SLC22A3: variants seen among roughly 807,000 people sequenced by gnomAD.
SLC22A3 encodes solute carrier family 22 member 3, also known as EMT organic cation transporter 3.
In SLC22A3, 51 loss-of-function variants were observed where a neutral mutation model predicts 59.1. The ratio of observed to expected loss-of-function variants is 0.86; its 90% confidence interval spans 0.69 to 1.09. The LOEUF is 1.09. Among genes scored for constraint, SLC22A3 ranks in the 50% least tolerant of loss-of-function variants. SLC22A3 has a pLI of 0.00. For missense variants in SLC22A3, 711 were observed against 726.3 expected (o/e 0.98, Z 0.24); for synonymous variants, 325 against 292.0 (o/e 1.11, Z -1.15).
At chr6:160,406,627 T>C (rs1787023477) in intron 2 of SLC22A3, among the ~76,000 whole-genome samples, 1 of 152,216 alleles carries the variant, frequency 6.6e-6, no homozygotes, top group South Asian at 2.1e-4. Flanking sequence ...CCTTAGGAAT[T>C]AGCCCAAGGT....
intron 1 of SLC22A3, among the ~76,000 whole-genome samples, chr6:160,367,895 C>T (rs1562471150): frequency 6.6e-6 from 1 of 152,182 alleles, no homozygotes; most frequent in Non-Finnish European, 1.5e-5. Flanking sequence ...AGTCTACCTC[C>T]TCTTCCTCCT....
At chr6:160,362,932 C>G (rs1368874953) in intron 1 of SLC22A3, among the ~76,000 whole-genome samples, 1 of 149,528 alleles carries the variant, frequency 6.7e-6, no homozygotes, top group Non-Finnish European at 1.5e-5. Flanking sequence ...CAGGGACCCA[C>G]GGATACTTCG....
intron 1 of SLC22A3, among the ~76,000 whole-genome samples, chr6:160,380,226 A>G (rs2114793316): frequency 6.6e-6 from 1 of 152,274 alleles, no homozygotes; most frequent in East Asian, 1.9e-4. Flanking sequence ...AAACAACTGG[A>G]ATAATAAACT....
At chr6:160,353,147 G>A (rs1784717201) in intron 1 of SLC22A3, among the ~76,000 whole-genome samples, 1 of 152,190 alleles carries the variant, frequency 6.6e-6, no homozygotes, top group Non-Finnish European at 1.5e-5. Flanking sequence ...GGACTCTAAT[G>A]AGTGAACAGC....
chr6:160,403,642 C>T (rs1308322978), intron 2 of SLC22A3, among the ~76,000 whole-genome samples: 1 of 151,236 alleles, frequency 6.6e-6, no homozygotes, highest in African/African-American at 2.4e-5. Flanking sequence ...CAAAAATCCT[C>T]AACAAAAATT....
chr6:160,348,618 C>A lies in SLC22A3; in HGVS notation c.199C>A (p.Pro67Thr). 6.6e-7 allele frequency: 1 copy of A among 1,505,204 alleles called. No individual in the cohort carries two copies. Among genetic ancestry groups the A allele is most frequent in the South Asian group, 1.2e-5 (1 of 81,116 alleles). The allele number at this position is 1,505,204 out of a possible 1,614,324, so 93.2% of individuals were successfully genotyped here. The change falls in exon 1 of 11, where the codon CCG (proline) becomes ACG (threonine). Residue 67 changes from proline to threonine, a missense_variant. Transcript: ENST00000275300. Reference protein sequence around the residue: ...AALAERCGWSPEEEWNRTAPA... With the variant: ...AALAERCGWSTEEEWNRTAPA... ...GCTGGCCGAGCGCTGCGGCTGGAGC[C>A]CGGAGGAGGAGTGGAACCGCACGGC...
intron 2 of SLC22A3, among the ~76,000 whole-genome samples, chr6:160,403,776 A>G (rs1431637342): frequency 2.4e-5 from 1 of 42,498 alleles, no homozygotes; most frequent in African/African-American, 2.8e-4. Flanking sequence ...AATTAATGTC[A>G]TCCATCAATC....
intron 1 of SLC22A3, among the ~76,000 whole-genome samples, chr6:160,391,086 G>T (rs191584456): frequency 6.6e-6 from 1 of 152,146 alleles, no homozygotes; most frequent in Non-Finnish European, 1.5e-5. Flanking sequence ...ACTAGGGCCC[G>T]CTCTGATACA....
chr6:160,450,043 A>T (rs1788891870), intron 10 of SLC22A3, among the ~76,000 whole-genome samples: 1 of 152,222 alleles, frequency 6.6e-6, no homozygotes, highest in African/African-American at 2.4e-5. Context: ...CGGTGCATGT[A>T]TTGTCTTGAT....
At chr6:160,429,879 C>G (rs2661834) in intron 5 of SLC22A3, among the ~76,000 whole-genome samples, 2 of 151,494 alleles carry the variant, frequency 1.3e-5, no homozygotes, top group Admixed American at 1.3e-4. Context: ...CAACCATTCT[C>G]TTTATCTGAG....
At chr6:160,436,589 A>G (rs919787563) in intron 5 of SLC22A3, among the ~76,000 whole-genome samples, 191 bp from the exon 6 acceptor site, 1 of 152,212 alleles carries the variant, frequency 6.6e-6, no homozygotes, top group Non-Finnish European at 1.5e-5. Flanking sequence ...CAGTGCAGCA[A>G]TCCTATCTTT....
intron 8 of SLC22A3, among the ~76,000 whole-genome samples, 164 bp downstream of exon 8, chr6:160,443,033 C>CT (rs1402130458): frequency 3.3e-5 from 5 of 152,240 alleles, no homozygotes; most frequent in Non-Finnish European, 7.3e-5. Flanking sequence ...TCACTGCTTT[C>CT]TGCATTGCTG....
chr6:160,407,068 A>C lies in SLC22A3; in HGVS notation c.561A>C (p.Leu187=). 2 of 1,613,176 alleles carry C rather than the reference A, an allele frequency of 1.2e-6. No homozygotes were observed. The highest frequency in any genetic ancestry group is 1.7e-6 in the Non-Finnish European group (2 of 1,179,530). The change falls in exon 3 of 11, where the codon CTA becomes CTC. Residue 187 remains leucine (L), a synonymous_variant. Coordinates refer to ENST00000275300, the MANE Select transcript of SLC22A3 (RefSeq NM_021977.4). ...ATGGCAGGATCGTCATTTACTTGCT[A>C]TCCTGCCTTGGTGTTGGCGTCACTG... ...DRYGRIVIYL[L]SCLGVGVTGV...
rs773299083 is a variant in SLC22A3, at chr6:160,407,150, C to A, written c.643C>A (p.Gln215Lys). Residue 215 changes from glutamine (Q) to lysine (K), a missense_variant, in exon 3 of 11, where the codon CAA (glutamine) becomes AAA (lysine). By Grantham distance (53) the Gln-to-Lys change is moderately conservative. Coordinates refer to ENST00000275300, the MANE Select transcript of SLC22A3 (RefSeq NM_021977.4). ...TGTGTTTGTGATCTTCCGCTTCCTG[C>A]AAGGTGTATTTGGAAAGGGGACGTG... ...FPVFVIFRFLQGVFGKGTWMT... is the reference protein window; with the variant it reads ...FPVFVIFRFLKGVFGKGTWMT... 22 of 1,612,422 alleles carry A rather than the reference C, an allele frequency of 1.4e-5. No homozygotes were observed. Among genetic ancestry groups the A allele is most frequent in the Admixed American group, 8.4e-5 (5 of 59,852 alleles).
At chr6:160,436,679 A>G (rs1788344321) in intron 5 of SLC22A3, 101 bp from the exon 6 acceptor site, 1 of 746,190 alleles carries the variant, frequency 1.3e-6, no homozygotes, top group South Asian at 1.6e-5. Context: ...GCCCCTAGTC[A>G]CTTCAGTAAG....
intron 5 of SLC22A3, among the ~76,000 whole-genome samples, chr6:160,416,555 G>A (rs79828829): frequency 0.02 from 3,090 of 152,186 alleles, 107 homozygotes; most frequent in African/African-American, 0.07. Context: ...GTCTTCAGGA[G>A]CATCCACAAT....
chr6:160,348,548 C>T lies in SLC22A3; in HGVS notation c.129C>T (p.Gly43=). The part of the protein sequence containing the change: ...AFLFVGVVFL[G]TQPDHYWCRG... ...TCTTCGTCGGCGTGGTCTTCCTGGG[C>T]ACGCAGCCCGACCACTACTGGTGCC... Residue 43 remains glycine, a synonymous_variant, in exon 1 of 11, where the codon GGC becomes GGT. Coordinates refer to ENST00000275300, the MANE Select transcript of SLC22A3 (RefSeq NM_021977.4). 6.4e-7 allele frequency: 1 copy of T among 1,555,284 alleles called. No individual in the cohort carries two copies. The highest frequency in any genetic ancestry group is 2.5e-5 in the East Asian group (1 of 39,928).
chr6:160,444,698 G>A (rs751135889), intron 9 of SLC22A3, among the ~76,000 whole-genome samples: 6 of 152,192 alleles, frequency 3.9e-5, no homozygotes, highest in Non-Finnish European at 8.8e-5. Context: ...TAAAGGATAC[G>A]GGTTGGCCCC....
rs74461285 is a variant in SLC22A3 at position 160,365,645 on chromosome 6, T to A, written c.429+16797T>A. ...GCTAACCTTACACTTGAACAAAAAA[T>A]GTGGCTTTCTTTAAAGAAAATCATC... On this transcript the variant is annotated intron_variant, in intron 1 of 10. Transcript: ENST00000275300. Among the ~76,000 whole-genome samples, 160 of 152,284 alleles carry A rather than the reference T, an allele frequency of 1.1e-3. 3 individuals are homozygous for A. In the South Asian group the frequency reaches 0.032, roughly 31 times the overall value.
Sources: allele counts gnomAD v4.1 joint callset (sites outside exome capture counted in the v4.1 genomes callset), GRCh38; gene constraint gnomAD v4.1.1; transcripts MANE v1.5; gene names NCBI Gene and HGNC (gene_info 2026-07-23, HGNC 2026-07-21).